The following NEBL variants were observed in gnomAD, a reference collection of about 807,000 sequenced individuals.
NEBL encodes nebulette.
NEBL carries 122 observed loss-of-function variants against 140.2 expected under a neutral mutation model. The ratio of observed to expected loss-of-function variants is 0.87; its 90% CI spans 0.75 to 1.01. NEBL has a LOEUF of 1.01. NEBL is among the 50% of genes least tolerant of loss of function. The pLI, the probability that NEBL is intolerant of heterozygous loss-of-function variation, is 0.00. For synonymous variants in NEBL, 436 were observed against 398.9 expected (o/e 1.09, Z -1.11); for missense variants, 1,365 against 1,231.3 (o/e 1.11, Z -1.62).
chr10:20,875,147 C>T (rs1011663179), intron 5 of NEBL, among the ~76,000 whole-genome samples: 1 of 152,166 alleles, frequency 6.6e-6, no homozygotes, highest in African/African-American at 2.4e-5. Context: ...TCACTTTCAC[C>T]CTGAGCTCAT....
upstream of NEBL, chr10:21,174,338 C>G (rs1212307936): frequency 1.3e-5 from 2 of 152,452 alleles, no homozygotes; most frequent in African/African-American, 2.4e-5. Flanking sequence ...GGGGAGTGAG[C>G]CTCGCGCCAC....
At chr10:21,116,518 T>C (rs1485609925) in intron 2 of NEBL, among the ~76,000 whole-genome samples, 1 of 152,124 alleles carries the variant, frequency 6.6e-6, no homozygotes, top group African/African-American at 2.4e-5. Context: ...ACATACGGAT[T>C]TGGTAAAGAT....
chr10:20,940,116 A>C (rs1313261557), intron 4 of NEBL, among the ~76,000 whole-genome samples: 1 of 152,120 alleles, frequency 6.6e-6, no homozygotes. Context: ...CTCCACCCCA[A>C]ATCAACAGAA....
upstream of NEBL, among the ~76,000 whole-genome samples, chr10:20,900,480 C>T (rs571142243): frequency 6.6e-6 from 1 of 151,650 alleles, no homozygotes; most frequent in Admixed American, 6.6e-5. Context: ...GAGTTCGAGA[C>T]CAGCCTGACC....
Position 21,280,619 on chromosome 10 carries a change from C to CTTTTTTTTTTT in NEBL, n.182+12200_182+12210dup, listed in dbSNP as rs554320752. Among the ~76,000 whole-genome samples, 2 of 98,134 alleles carry CTTTTTTTTTTT rather than the reference C, an allele frequency of 2.0e-5. 1 individual carries two copies. Among genetic ancestry groups the CTTTTTTTTTTT allele is most frequent in the African/African-American group, 8.0e-5 (2 of 25,082 alleles). The allele number at this position is 98,134 out of a possible 152,430, so 64.4% of individuals were successfully genotyped here. A position where few individuals can be genotyped will look rare whatever the true frequency, so the allele number is the denominator to read the frequency against. On this transcript the variant is annotated intron_variant and non_coding_transcript_variant, in intron 1 of 8. Transcript: ENST00000675702. ...TAGGTATTTTTGGTTTTTCTTTTTC[C>CTTTTTTTTTTT]TTTTTTTTTTTTTTTTTTTTGCCTA...
chr10:21,275,981 T>C (rs944028896), intron 1 of NEBL, among the ~76,000 whole-genome samples: 2 of 148,802 alleles, frequency 1.3e-5, no homozygotes, highest in African/African-American at 4.9e-5. Context: ...TTTTTTTTTT[T>C]TTTTTTAAAG....
chr10:20,812,788 C>A lies in NEBL; in HGVS notation c.2499G>T (p.Arg833Ser), dbSNP rs727505285. 1.2e-6 allele frequency: 2 copies of A among 1,613,948 alleles called. No individual in the cohort carries two copies. The highest frequency in any genetic ancestry group is 2.7e-5 in the African/African-American group (2 of 75,032). The change falls in exon 24 of 28, where the codon AGG becomes AGT. Residue 833 changes from arginine to serine, a missense_variant. Arg to Ser is a moderately radical substitution (Grantham distance 110, BLOSUM62 -1). Around this residue, in one of 2 missense-constraint regions of NEBL, gnomAD observed 1,323 missense variants for 1,154.8 expected, o/e 1.15. Coordinates refer to ENST00000377122, the MANE Select transcript of NEBL (RefSeq NM_006393.3). ...GCTTACCAACAATGATTCCAGGTCT[C>A]CTGTCCATCTCCACGATGTGAGGGT... ...GVHPHIVEMD[R>S]RPGIIVDLKV...
rs1835222085 is a variant in NEBL at position 20,784,277 on chromosome 10, G to A, written c.*1470C>T. 6.6e-6 allele frequency: 1 copy of A among 152,118 alleles called. No individual in the cohort carries two copies. 9.4% of individuals were successfully genotyped at this position (152,118 alleles called of 1,614,324 possible). On this transcript the variant is annotated 3_prime_UTR_variant, in exon 28 of 28. Transcript: ENST00000377122. ...AACGGCACAATCAGAAAAACACAGG[G>A]TTGCCGACGGGTGCCGCTGGCTTGG... is the stretch of plus-strand genomic sequence containing the variant.
At chr10:20,855,717 A>G (rs1379426511) in intron 9 of NEBL, among the ~76,000 whole-genome samples, 2 of 152,106 alleles carry the variant, frequency 1.3e-5, no homozygotes, top group Non-Finnish European at 2.9e-5. Context: ...TTTCCAGGGG[A>G]AAATGTTTTC....
chr10:21,286,608 G>A (rs1394107444), intron 1 of NEBL, among the ~76,000 whole-genome samples: 1 of 152,194 alleles, frequency 6.6e-6, no homozygotes, highest in Non-Finnish European at 1.5e-5. Context: ...CAAGGCGGGT[G>A]GATCACAAGG....
At chr10:21,286,747 T>C (rs1454806284) in intron 1 of NEBL, among the ~76,000 whole-genome samples, 1 of 151,140 alleles carries the variant, frequency 6.6e-6, no homozygotes, top group African/African-American at 2.4e-5. Context: ...GGCAGGAGAA[T>C]GGCGTGACGT....
intron 7 of NEBL, 72 bp downstream of exon 7, chr10:20,868,592 C>T (rs1389353476): frequency 9.9e-6 from 10 of 1,014,572 alleles, no homozygotes; most frequent in Non-Finnish European, 1.4e-5. Context: ...ATCTAAAATG[C>T]AATATTCTCC....
At chr10:20,850,697 A>G (rs571658105) in intron 10 of NEBL, among the ~76,000 whole-genome samples, 195 bp from the exon 11 acceptor site, 1 of 152,338 alleles carries the variant, frequency 6.6e-6, no homozygotes, top group Admixed American at 6.5e-5. Context: ...AAATATCTTA[A>G]GGGATAAAAA....
chr10:21,153,377 A>G (rs1589290401), intron 2 of NEBL, among the ~76,000 whole-genome samples: 1 of 144,090 alleles, frequency 6.9e-6, no homozygotes, highest in Non-Finnish European at 1.5e-5. Context: ...CTGGAGTGCA[A>G]TGGTGAGATC....
At chr10:21,234,026 G>GTTAA (rs1842312227) in intron 3 of NEBL, among the ~76,000 whole-genome samples, 1 of 138,642 alleles carries the variant, frequency 7.2e-6, no homozygotes, top group African/African-American at 2.5e-5. Flanking sequence ...TAGATAGATA[G>GTTAA]ATAGATAGAT....
chr10:20,838,944 A>G (rs1171646990), intron 13 of NEBL, among the ~76,000 whole-genome samples: 1 of 152,196 alleles, frequency 6.6e-6, no homozygotes, highest in Non-Finnish European at 1.5e-5. Flanking sequence ...TAACATGTAT[A>G]TGTATGGAGA....
intron 16 of NEBL, among the ~76,000 whole-genome samples, chr10:20,830,943 T>A (rs1343982511): frequency 6.8e-6 from 1 of 147,334 alleles, no homozygotes; most frequent in Non-Finnish European, 1.5e-5. Context: ...AAAGGTTTAA[T>A]GTCCTTGGAC....
intron 1 of NEBL, among the ~76,000 whole-genome samples, chr10:21,263,524 T>G (rs1842764521): frequency 6.6e-6 from 1 of 152,210 alleles, no homozygotes; most frequent in Non-Finnish European, 1.5e-5. Flanking sequence ...TCTATAAATT[T>G]TAGCATAGCA....
chr10:20,831,256 T>C lies in NEBL; in HGVS notation c.1611A>G (p.Gln537=), dbSNP rs865956162. 3.1e-6 allele frequency: 5 copies of C among 1,613,568 alleles called. 1 individual carries two copies. The highest frequency in any genetic ancestry group is 4.5e-5 in the East Asian group (2 of 44,864). ...GGATATCTGGGATATCCATGCTCAC[T>C]TGCATTCCTTTCCCTTTAATTTCAT... ...LENEIKGKGM[Q]VSMDIPDILR... The change falls in exon 16 of 28, where the codon CAA becomes CAG. Residue 537 remains glutamine, a synonymous_variant. Transcript: ENST00000377122.
Sources: allele counts gnomAD v4.1 joint callset (sites outside exome capture counted in the v4.1 genomes callset), GRCh38; gene constraint gnomAD v4.1.1; regional missense constraint gnomAD v4.1.1; transcripts MANE v1.5; gene names NCBI Gene and HGNC (gene_info 2026-07-23, HGNC 2026-07-21).